Variants in KAZN observed in about 807,000 individuals in gnomAD.
KAZN encodes kazrin.
A neutral mutation model predicts 87.4 loss-of-function variants in KAZN; 40 were observed. The ratio of observed to expected loss-of-function variants is 0.46; its 90% confidence interval spans 0.36 to 0.60. The LOEUF is 0.60. Ranked by LOEUF, KAZN falls within the 20% of genes least tolerant of loss-of-function variation. The pLI, the probability that KAZN is intolerant of heterozygous loss-of-function variation, is 0.00. For synonymous variants in KAZN, 466 were observed against 458.3 expected (o/e 1.02, Z -0.22); for missense variants, 898 against 1,073.9 (o/e 0.84, Z 2.29).
At chr1:15,043,580 T>C (rs1411815562) in intron 3 of KAZN, among the ~76,000 whole-genome samples, 1 of 151,576 alleles carries the variant, frequency 6.6e-6, no homozygotes, top group Non-Finnish European at 1.5e-5. Context: ...GCCCACGGCT[T>C]TCCCACCACA....
intron 2 of KAZN, among the ~76,000 whole-genome samples, chr1:14,334,880 G>A (rs933799371): frequency 2.6e-5 from 4 of 152,142 alleles, no homozygotes; most frequent in African/African-American, 9.7e-5. Flanking sequence ...CAGATGCAGA[G>A]AGAGAGACAA....
Position 14,149,423 on chromosome 1 carries a change from TCTC to T in KAZN, c.92-31009_92-31007del, listed in dbSNP as rs1323376762. Among the ~76,000 whole-genome samples the T allele has an allele frequency of 3.3e-5, 5 of 152,080 alleles. No homozygotes were observed. The East Asian group carries it at 9.7e-4, about 29-fold the overall frequency. ...TGCCTGGCCACAACCTTTCAATTAA[TCTC>T]CTTCTTTTAGGTGCACAGTTCACTC... On this transcript the variant is annotated intron_variant, in intron 1 of 16. Transcript: ENST00000636203.
chr1:13,976,764 T>G (rs1350540341), intron 1 of KAZN, among the ~76,000 whole-genome samples: 2 of 152,152 alleles, frequency 1.3e-5, no homozygotes, highest in African/African-American at 4.8e-5. Flanking sequence ...CATCCACCTA[T>G]CTTCCTTAAG....
At chr1:14,968,818 T>C (rs116545886) in intron 2 of KAZN, among the ~76,000 whole-genome samples, 229 of 152,340 alleles carry the variant, frequency 1.5e-3, no homozygotes, top group African/African-American at 5.3e-3. Flanking sequence ...AAATGTTCCC[T>C]GAAAGCTTCC....
In KAZN at chr1:15,048,639, G is replaced by GTTGGTCCTGGGTCGTCGGTCCTGGGTCC. The variant is rs1673874086; in HGVS notation, c.726+4481_726+4482insTGGTCCTGGGTCGTCGGTCCTGGGTCCT. ...GGTCCTGGGTCGTCGGTCCTGGGTC[G>GTTGGTCCTGGGTCGTCGGTCCTGGGTCC]TCGGTCCTGGGTCGTCGGTCCTGGG... On this transcript the variant is annotated intron_variant, in intron 4 of 14. Transcript: ENST00000376030. 2.7e-5 allele frequency among the ~76,000 whole-genome samples: 4 copies of GTTGGTCCTGGGTCGTCGGTCCTGGGTCC among 148,416 alleles called. No homozygotes were observed. The South Asian group carries it at 8.9e-4, about 33-fold the overall frequency.
intron 1 of KAZN, among the ~76,000 whole-genome samples, chr1:13,920,972 C>G (rs1046781623): frequency 7.2e-5 from 11 of 152,072 alleles, no homozygotes; most frequent in African/African-American, 2.2e-4. Flanking sequence ...GGAATGTGCA[C>G]ATAGCATCTG....
chr1:14,177,694 A>C (rs1430748982), intron 1 of KAZN, among the ~76,000 whole-genome samples: 1 of 152,050 alleles, frequency 6.6e-6, no homozygotes, highest in Non-Finnish European at 1.5e-5. Flanking sequence ...TCTGGGCAGG[A>C]TAAAACTCTA....
intron 2 of KAZN, among the ~76,000 whole-genome samples, chr1:14,533,940 C>T (rs1195685272): frequency 2.6e-5 from 4 of 152,200 alleles, no homozygotes; most frequent in African/African-American, 4.8e-5. Flanking sequence ...ACATCCTTGC[C>T]TCTCTGACTG....
In KAZN at chr1:14,111,566, G is replaced by A. The variant is rs564932592; in HGVS notation, c.92-68869G>A. ...TTTTTCTCATTCATACGAAAGGGCTGTCTCTCTCCCAGCTGTGCTTTTTGA... is the reference window on the plus strand; with the variant it reads ...TTTTTCTCATTCATACGAAAGGGCTATCTCTCTCCCAGCTGTGCTTTTTGA... On this transcript the variant is annotated intron_variant, in intron 1 of 16. Transcript: ENST00000636203. Among the ~76,000 whole-genome samples, 31 of 133,592 alleles carry A rather than the reference G, an allele frequency of 2.3e-4. 9 individuals carry two copies. The South Asian group carries it at 6.8e-3, about 29-fold the overall frequency. 87.6% of individuals were successfully genotyped at this position (133,592 alleles called of 152,430 possible). A position where few individuals can be genotyped will look rare whatever the true frequency, so the allele number is the denominator to read the frequency against.
At chr1:14,868,712 C>T (rs1651806302) in intron 1 of KAZN, among the ~76,000 whole-genome samples, 1 of 151,438 alleles carries the variant, frequency 6.6e-6, no homozygotes, top group South Asian at 2.1e-4. Context: ...GGCATGGTGG[C>T]GTGTGCCTGT....
At position 15,065,740 on chromosome 1, in the gene KAZN, C is replaced by G; in HGVS notation, c.1209C>G (p.Pro403=). The change falls in exon 8 of 15, where the codon CCC becomes CCG. Residue 403 remains proline (P), a synonymous_variant. Transcript: ENST00000376030. ...GGAAGCAGCGGAAGTCCCTCGACCC[C>G]GGCCTCTTTGATGGTACCGCCCCTG... The part of the protein sequence containing the change: ...ARGKQRKSLD[P]GLFDDSDSQC... 1 of 1,614,252 alleles carries G rather than the reference C, an allele frequency of 6.2e-7. No individual in the cohort carries two copies. Among genetic ancestry groups the G allele is most frequent in the Non-Finnish European group, 8.5e-7 (1 of 1,180,026 alleles).
intron 2 of KAZN, among the ~76,000 whole-genome samples, chr1:14,336,038 G>GT (rs1451625130): frequency 6.6e-6 from 1 of 152,184 alleles, no homozygotes; most frequent in Non-Finnish European, 1.5e-5. Context: ...GAAGTGCTGG[G>GT]TATATTTTGG....
chr1:14,618,335 T>G (rs1678420024), intron 1 of KAZN, among the ~76,000 whole-genome samples: 1 of 152,194 alleles, frequency 6.6e-6, no homozygotes, highest in Non-Finnish European at 1.5e-5. Context: ...GCCATTCAAG[T>G]CTCCATTTTC....
intron 1 of KAZN, among the ~76,000 whole-genome samples, chr1:14,041,395 T>C (rs1295352090): frequency 6.6e-6 from 1 of 152,252 alleles, no homozygotes; most frequent in African/African-American, 2.4e-5. Context: ...AACTTACTTA[T>C]AAAATCTTCA....
chr1:14,525,720 C>G (rs1671827334), intron 2 of KAZN, among the ~76,000 whole-genome samples: 1 of 152,210 alleles, frequency 6.6e-6, no homozygotes, highest in South Asian at 2.1e-4. Flanking sequence ...CTTACCAGAT[C>G]AATCCACAAA....
intron 13 of KAZN, among the ~76,000 whole-genome samples, chr1:15,109,931 G>GTT (rs1557805783): frequency 4.1e-4 from 49 of 118,658 alleles, no homozygotes; most frequent in African/African-American, 1.0e-3. Context: ...ATGGGTGTGT[G>GTT]TGTGTGTGTG....
chr1:14,840,130 C>T (rs1473296240), intron 1 of KAZN, among the ~76,000 whole-genome samples: 4 of 152,242 alleles, frequency 2.6e-5, no homozygotes, highest in Non-Finnish European at 4.4e-5. Context: ...CTTCAGACCA[C>T]GAATCCCTTT....
rs559470382 is a variant in KAZN at position 14,387,258 on chromosome 1, A to G, written c.249+206666A>G. Among the ~76,000 whole-genome samples, 15 of 152,194 alleles carry G rather than the reference A, an allele frequency of 9.9e-5. No homozygotes were observed. In the East Asian group the frequency reaches 2.1e-3, roughly 22 times the overall value. On this transcript the variant is annotated intron_variant, in intron 2 of 16. Coordinates refer to the KAZN transcript ENST00000636203. ...TTCAACTTCTTTGCCCTTGGTTTGA[A>G]TGTCCTCCCGTAGGTCAGAGTAATT... is the stretch of plus-strand genomic sequence containing the variant.
intron 1 of KAZN, among the ~76,000 whole-genome samples, chr1:14,632,709 C>T (rs184759307): frequency 2.0e-5 from 3 of 152,068 alleles, no homozygotes; most frequent in Non-Finnish European, 4.4e-5. Context: ...ACTGAGACCG[C>T]AAGTGTAAAC....
Sources: allele counts gnomAD v4.1 joint callset (sites outside exome capture counted in the v4.1 genomes callset), GRCh38; gene constraint gnomAD v4.1.1; transcripts MANE v1.5; gene names NCBI Gene and HGNC (gene_info 2026-07-23, HGNC 2026-07-21).